PLIN4: variants seen among roughly 807,000 people sequenced by gnomAD.
PLIN4 encodes perilipin 4, also known as perilipin-4.
Under a neutral mutation model 52.4 loss-of-function variants are expected in PLIN4, and 57 were observed. That is an observed-to-expected ratio of 1.09 (90% confidence interval 0.88 to 1.36). The LOEUF (loss-of-function observed/expected upper bound fraction) is 1.36, where lower values mean the gene tolerates loss of function less well. Ranked by LOEUF, PLIN4 falls within the 40% of genes most tolerant of loss-of-function variation. The pLI is 0.00. For missense variants in PLIN4, 1,757 were observed against 1,770.3 expected (o/e 0.99, Z 0.13); for synonymous variants, 826 against 785.4 (o/e 1.05, Z -0.86).
chr19:4,510,132 T>C (rs1008271696), intron 5 of PLIN4, among the ~76,000 whole-genome samples: 28 of 152,152 alleles, frequency 1.8e-4, no homozygotes, highest in African/African-American at 6.0e-4. Context: ...CTTGGGAAGC[T>C]GAGGCGGGCG....
At chr19:4,515,916 T>C (rs972983437) in intron 4 of PLIN4, among the ~76,000 whole-genome samples, 1 of 152,260 alleles carries the variant, frequency 6.6e-6, no homozygotes, top group Non-Finnish European at 1.5e-5. Flanking sequence ...ACACTCGCTG[T>C]GTGGCCTTAG....
intron 6 of PLIN4, 48 bp downstream of exon 6, chr19:4,508,720 T>C: frequency 6.6e-7 from 1 of 1,524,524 alleles, no homozygotes; most frequent in East Asian, 2.5e-5. Flanking sequence ...GGGCAGGGGT[T>C]CTAAGAAGTG....
In PLIN4 at chr19:4,510,468, G is replaced by A; in HGVS notation, c.3492C>T (p.His1164=). ...NELEGLGDIF[H]PMNAEEQAQL... is the part of the protein sequence containing the mutation. ...CACCTTGCTCCTCCGCATTCATGGG[G>A]TGGAAGATGTCCCCCAGCCCCTCCA... Residue 1164 remains histidine, a synonymous_variant, in exon 5 of 8, where the codon CAC becomes CAT. Coordinates refer to ENST00000301286, the MANE Select transcript of PLIN4 (RefSeq NM_001367868.2). The A allele has an allele frequency of 7.0e-7, 1 of 1,437,134 alleles. No individual in the cohort carries two copies. Among genetic ancestry groups the A allele is most frequent in the Non-Finnish European group, 9.2e-7 (1 of 1,092,636 alleles). 89.0% of individuals were successfully genotyped at this position (1,437,134 alleles called of 1,614,324 possible).
chr19:4,517,255 G>A (rs1318107989), intron 3 of PLIN4, among the ~76,000 whole-genome samples: 2 of 152,200 alleles, frequency 1.3e-5, no homozygotes, highest in African/African-American at 4.8e-5. Context: ...GATGGGCAGA[G>A]CACCCAGCCT....
Position 4,518,472 on chromosome 19 carries a change from G to A in PLIN4, c.-105C>T. 8.2e-7 allele frequency: 1 copy of A among 1,217,096 alleles called. No individual in the cohort carries two copies. The allele number at this position is 1,217,096 out of a possible 1,614,324, so 75.4% of individuals were successfully genotyped here. A position where few individuals can be genotyped will look rare whatever the true frequency, so the allele number is the denominator to read the frequency against. On this transcript the variant is annotated 5_prime_UTR_variant, in exon 1 of 8. Transcript: ENST00000301286. ...GCGGGGTCCCCTGGAGGACGGACCG[G>A]CCCGGCTGGCAGCTGGCTCTACCCT...
chr19:4,514,297 A>C (rs903437702), intron 4 of PLIN4, among the ~76,000 whole-genome samples: 5 of 152,228 alleles, frequency 3.3e-5, no homozygotes, highest in Non-Finnish European at 5.9e-5. Flanking sequence ...ACAAAATTTT[A>C]ACAACTGGCT....
At chr19:4,518,086 C>T (rs1005112234) in intron 2 of PLIN4, 136 bp downstream of exon 2, 11 of 761,448 alleles carry the variant, frequency 1.4e-5, no homozygotes, top group Non-Finnish European at 1.8e-5. Flanking sequence ...GGCATCATGG[C>T]TCCCAGACCG....
At position 4,512,967 on chromosome 19, in the gene PLIN4, T is replaced by A. The variant is rs745305910; in HGVS notation, c.993A>T (p.Thr331=). ...TGVDTSKTVL[T]GTKDTVCSGV... is the part of the protein sequence containing the mutation. ...CACTACAGACGGTGTCCTTGGTACC[T>A]GTTAGGACAGTCTTACTGGTGTCCA... The change falls in exon 5 of 8, where the codon ACA becomes ACT. Residue 331 remains threonine, a synonymous_variant. Coordinates refer to ENST00000301286, the MANE Select transcript of PLIN4 (RefSeq NM_001367868.2). The A allele has an allele frequency of 9.1e-6, 6 of 662,162 alleles. No homozygotes were observed. The highest frequency in any genetic ancestry group is 1.3e-5 in the Non-Finnish European group (5 of 379,638). 41.0% of individuals were successfully genotyped at this position (662,162 alleles called of 1,614,324 possible). A position where few individuals can be genotyped will look rare whatever the true frequency, so the allele number is the denominator to read the frequency against.
Position 4,508,206 on chromosome 19 carries a change from C to A in PLIN4, c.3702+562G>T, listed in dbSNP as rs545172660. 3.9e-5 allele frequency among the ~76,000 whole-genome samples: 6 copies of A among 152,290 alleles called. No homozygotes were observed. In the South Asian group the frequency reaches 1.2e-3, roughly 32 times the overall value. Reference sequence around the variant, plus strand: ...GGGCCCAGAGGGACGGCCTTCCTGCCCAGCCCACATCCCCCTCTGCACACA... The same window carrying A: ...GGGCCCAGAGGGACGGCCTTCCTGCACAGCCCACATCCCCCTCTGCACACA... On this transcript the variant is annotated intron_variant, in intron 6 of 7. Transcript: ENST00000301286.
chr19:4,516,696 G>T lies in PLIN4; in HGVS notation c.197-18C>A. On this transcript the variant is annotated intron_variant, in intron 3 of 7. Transcript: ENST00000301286. ...GGCAGCCACTGTGGGGACAGGGGCC[G>T]GTCAGGGAGAGTGAGGGATGCAGTT... is the stretch of plus-strand genomic sequence containing the variant. 2 of 1,576,188 alleles carry T rather than the reference G, an allele frequency of 1.3e-6. No homozygotes were observed. Among genetic ancestry groups the T allele is most frequent in the South Asian group, 1.2e-5 (1 of 85,712 alleles).
intron 3 of PLIN4, among the ~76,000 whole-genome samples, chr19:4,516,908 C>A (rs1375477290): frequency 6.6e-6 from 1 of 152,216 alleles, no homozygotes. Flanking sequence ...AAGTAGGGCT[C>A]TGTGGAACTT....
At chr19:4,517,746 AGGAACG>A in intron 2 of PLIN4, 48 bp from the exon 3 acceptor site, 1 of 1,544,714 alleles carries the variant, frequency 6.5e-7, no homozygotes, top group Non-Finnish European at 8.8e-7. Flanking sequence ...AAGCCTCGGC[AGGAACG>A]GGTCAGAGGA....
intron 3 of PLIN4, among the ~76,000 whole-genome samples, 193 bp from the exon 4 acceptor site, chr19:4,516,871 C>T (rs1422064310): frequency 6.6e-6 from 1 of 152,244 alleles, no homozygotes; most frequent in East Asian, 1.9e-4. Flanking sequence ...TGGGGGCTCC[C>T]CCCAAGCCCA....
intron 4 of PLIN4, among the ~76,000 whole-genome samples, chr19:4,515,210 T>C (rs1976553663): frequency 6.6e-6 from 1 of 151,550 alleles, no homozygotes; most frequent in African/African-American, 2.4e-5. Context: ...CAAAAATGAA[T>C]GAAGATGATG....
At chr19:4,514,744 GATA>G (rs916476281) in intron 4 of PLIN4, among the ~76,000 whole-genome samples, 5 of 150,474 alleles carry the variant, frequency 3.3e-5, no homozygotes, top group African/African-American at 7.3e-5. Flanking sequence ...TAATGATAAT[GATA>G]ATAATAATAA....
chr19:4,504,807 T>C (rs1039101887), intron 7 of PLIN4, 22 bp from the exon 8 acceptor site: 1 of 1,603,866 alleles, frequency 6.2e-7, no homozygotes, highest in Non-Finnish European at 8.5e-7. Flanking sequence ...AGGCGCAAGG[T>C]GAGTGGAGAC....
At chr19:4,507,836 C>G (rs528227337) in intron 6 of PLIN4, among the ~76,000 whole-genome samples, 3 of 152,190 alleles carry the variant, frequency 2.0e-5, no homozygotes, top group African/African-American at 7.2e-5. Context: ...CCTGCAGGGA[C>G]CAGGATGATC....
chr19:4,513,648 A>G lies in PLIN4; in HGVS notation c.312T>C (p.Asp104=). ...LVCSKMSRAK[D]AVSSGVASVV... is the part of the protein sequence containing the mutation. Reference sequence around the variant, plus strand: ...CGCTGGCCACCCCGGAGGACACGGCATCCTTGGCCCTGGACATCTTGGAAC... The same window carrying G: ...CGCTGGCCACCCCGGAGGACACGGCGTCCTTGGCCCTGGACATCTTGGAAC... The change falls in exon 5 of 8, where the codon GAT becomes GAC. Residue 104 remains aspartate (D), a synonymous_variant. Coordinates refer to ENST00000301286, the MANE Select transcript of PLIN4 (RefSeq NM_001367868.2). 6.2e-7 allele frequency: 1 copy of G among 1,607,434 alleles called. No homozygotes were observed. Among genetic ancestry groups the G allele is most frequent in the East Asian group, 2.2e-5 (1 of 44,852 alleles).
chr19:4,513,555 G>A lies in PLIN4; in HGVS notation c.405C>T (p.Thr135=). The A allele has an allele frequency of 6.2e-7, 1 of 1,608,200 alleles. No individual in the cohort carries two copies. The highest frequency in any genetic ancestry group is 8.5e-7 in the Non-Finnish European group (1 of 1,177,470). The change falls in exon 5 of 8, where the codon ACC becomes ACT. Residue 135 remains threonine (T), a synonymous_variant. Transcript: ENST00000301286. ...LDTTRSALTG[T]KEVVSSGVTG... is the part of the protein sequence containing the mutation. ...TGACCCCGCTGGACACCACCTCCTT[G>A]GTGCCCGTAAGTGCAGACCGAGTGG...
Sources: gnomAD v4.1 joint callset for allele counts (sites outside exome capture counted in the v4.1 genomes callset) on GRCh38, gnomAD v4.1.1 for gene constraint, MANE v1.5 for transcripts, NCBI Gene and HGNC (gene_info 2026-07-23, HGNC 2026-07-21) for gene names.